Variants in DMD observed in about 807,000 individuals in gnomAD.
The protein encoded by DMD is mutant dystrophin.
DMD carries 63 observed loss-of-function variants against 330.1 expected under a neutral mutation model. That is an observed-to-expected ratio of 0.19 (90% CI 0.16 to 0.24). The LOEUF is 0.24. DMD is among the 10% of genes least tolerant of loss of function. The probability of loss-of-function intolerance (pLI) is 1.00; values close to 1 mark genes in which losing one functional copy is unlikely to be tolerated. For synonymous variants in DMD, 1,223 were observed against 959.8 expected, an observed-to-expected ratio of 1.27 and a Z score of -5.07; for missense variants, 3,344 against 2,684.1, an observed-to-expected ratio of 1.25 and a Z score of -5.43.
intron 44 of DMD, among the ~76,000 whole-genome samples, chrX:32,126,946 C>T (rs2096664634): frequency 8.9e-6 from 1 of 112,082 alleles, no homozygotes; most frequent in Non-Finnish European, 1.9e-5. Flanking sequence ...AGCAACATTC[C>T]TTGACCAATA....
chrX:32,578,376 A>G lies in DMD; in HGVS notation c.1603-4530T>C, dbSNP rs180931533. 5.3e-3 allele frequency among the ~76,000 whole-genome samples: 600 copies of G among 112,155 alleles called. 6 individuals carry two copies. Among genetic ancestry groups the G allele is most frequent in the African/African-American group, 0.018 (568 of 30,912 alleles). Reference sequence around the variant, plus strand: ...GTAAAAGAAGTTAATTTTTATTTATATTCTCATTTTGTCTCAGCAGTAAGT... The same window carrying G: ...GTAAAAGAAGTTAATTTTTATTTATGTTCTCATTTTGTCTCAGCAGTAAGT... On this transcript the variant is annotated intron_variant, in intron 13 of 78. Transcript: ENST00000357033.
intron 49 of DMD, among the ~76,000 whole-genome samples, chrX:31,822,653 G>T (rs866755959): frequency 3.0e-5 from 2 of 65,806 alleles, no homozygotes; most frequent in South Asian, 1.1e-3. Context: ...AAGGCAGAGG[G>T]GTGTGTGTGT....
intron 2 of DMD, among the ~76,000 whole-genome samples, chrX:33,006,830 C>T (rs761931575): frequency 1.8e-5 from 2 of 111,457 alleles, no homozygotes; most frequent in East Asian, 5.7e-4. Flanking sequence ...TTTACCTATA[C>T]TTTGCCACCA....
At chrX:31,595,797 C>T (rs1346441539) in intron 55 of DMD, among the ~76,000 whole-genome samples, 2 of 106,736 alleles carry the variant, frequency 1.9e-5, no homozygotes, top group African/African-American at 6.8e-5. Flanking sequence ...AATAATATTG[C>T]CTCTGAGTTA....
chrX:31,442,020 C>T (rs17340784), intron 60 of DMD, among the ~76,000 whole-genome samples: 24,983 of 111,391 alleles, frequency 0.22, 3,036 homozygotes, highest in African/African-American at 0.45. Context: ...ATAGAGCAGA[C>T]ACCACAAACT....
chrX:31,490,589 A>G (rs1273071963), intron 57 of DMD, among the ~76,000 whole-genome samples: 1 of 112,093 alleles, frequency 8.9e-6, no homozygotes, highest in Non-Finnish European at 1.9e-5. Flanking sequence ...ATAAAAAGAA[A>G]AGAAAAAAGA....
intron 77 of DMD, among the ~76,000 whole-genome samples, chrX:31,126,884 C>G (rs888688530): frequency 2.8e-5 from 3 of 107,665 alleles, no homozygotes; most frequent in Non-Finnish European, 5.7e-5. Flanking sequence ...CACTTAAGAT[C>G]AGTGTAAACA....
intron 52 of DMD, among the ~76,000 whole-genome samples, chrX:31,679,912 T>G (rs1460597984): frequency 8.9e-6 from 1 of 112,189 alleles, no homozygotes; most frequent in African/African-American, 3.2e-5. Flanking sequence ...TCCTTGCCAC[T>G]TCAGCACCCA....
At chrX:31,240,425 A>G (rs1027720328) in intron 63 of DMD, among the ~76,000 whole-genome samples, 2 of 111,908 alleles carry the variant, frequency 1.8e-5, no homozygotes, top group African/African-American at 6.5e-5. Flanking sequence ...TTACTTTTCA[A>G]TACTATCCTC....
chrX:32,454,133 T>C (rs2098345151), intron 26 of DMD, among the ~76,000 whole-genome samples: 1 of 111,173 alleles, frequency 9.0e-6, no homozygotes, highest in African/African-American at 3.3e-5. Context: ...CATACCAGTT[T>C]CCTTCGTAAT....
chrX:32,783,161 T>C (rs941622213), intron 7 of DMD, among the ~76,000 whole-genome samples: 3 of 100,913 alleles, frequency 3.0e-5, no homozygotes, highest in Non-Finnish European at 6.0e-5. Flanking sequence ...TATATATAGA[T>C]ATATGGCATA....
intron 7 of DMD, among the ~76,000 whole-genome samples, chrX:32,729,427 G>A (rs147462092): frequency 0.03 from 3,359 of 111,673 alleles, 132 homozygotes; most frequent in African/African-American, 0.1. Context: ...AACATTTCAT[G>A]TTAATGAATA....
At chrX:31,162,356 T>TAAAAAAAAAAAAAAAAAAAA (rs57908991) in intron 74 of DMD, among the ~76,000 whole-genome samples, 1 of 50,619 alleles carries the variant, frequency 2.0e-5, no homozygotes, top group African/African-American at 6.6e-5. Context: ...ATGAAAAATC[T>TAAAAAAAAAAAAAAAAAAAA]AAAAAAAAAA....
chrX:32,411,216 C>T (rs961042208), intron 30 of DMD, among the ~76,000 whole-genome samples: 3 of 111,357 alleles, frequency 2.7e-5, no homozygotes, highest in African/African-American at 6.5e-5. Flanking sequence ...CTGCAACCTC[C>T]GCCTCCCGTG....
intron 7 of DMD, among the ~76,000 whole-genome samples, chrX:32,699,957 C>T (rs1001137530): frequency 4.5e-5 from 5 of 111,655 alleles, no homozygotes; most frequent in Non-Finnish European, 9.4e-5. Flanking sequence ...GTAAAAGTCC[C>T]GCACATTAAG....
upstream of DMD, among the ~76,000 whole-genome samples, chrX:33,215,762 C>T (rs987454626): frequency 8.9e-6 from 1 of 111,866 alleles, no homozygotes; most frequent in African/African-American, 3.3e-5. Flanking sequence ...TTTCCCAGCA[C>T]CATCTATTGA....
intron 2 of DMD, among the ~76,000 whole-genome samples, chrX:32,952,779 G>A (rs929899776): frequency 4.5e-5 from 5 of 110,788 alleles, no homozygotes; most frequent in African/African-American, 1.6e-4. Flanking sequence ...TCAGATTGAT[G>A]AGCTTTCTAA....
chrX:31,889,524 A>G (rs1227507932), intron 47 of DMD, among the ~76,000 whole-genome samples: 1 of 109,347 alleles, frequency 9.1e-6, no homozygotes, highest in African/African-American at 3.3e-5. Context: ...CTACCCACAA[A>G]CTCTTCACTA....
chrX:32,621,346 C>G (rs5972626), intron 11 of DMD, among the ~76,000 whole-genome samples: 9,897 of 111,228 alleles, frequency 0.089, 1,071 homozygotes, highest in African/African-American at 0.31. Flanking sequence ...TGTGGGTCCA[C>G]AGAGATTTCT....
Sources: allele counts gnomAD v4.1 joint callset (sites outside exome capture counted in the v4.1 genomes callset), GRCh38; gene constraint gnomAD v4.1.1; transcripts MANE v1.5; gene names NCBI Gene and HGNC (gene_info 2026-07-23, HGNC 2026-07-21).